Variants in ADGB observed in about 807,000 individuals in gnomAD.
ADGB encodes the protein calpain-7-like protein.
Under a neutral mutation model 210.5 loss-of-function variants are expected in ADGB, and 172 were observed. That is an observed-to-expected ratio of 0.82 (90% CI 0.72 to 0.93). The LOEUF (loss-of-function observed/expected upper bound fraction) is 0.93. ADGB is among the 40% of genes least tolerant of loss of function. ADGB has a pLI of 0.00. For synonymous variants in ADGB, 658 were observed against 662.7 expected, an observed-to-expected ratio of 0.99 and a Z score of 0.11; for missense variants, 2,025 against 1,964.8, an observed-to-expected ratio of 1.03 and a Z score of -0.58.
chr6:146,799,998 T>TG (rs1404731718), intron 33 of ADGB, among the ~76,000 whole-genome samples: 1 of 152,046 alleles, frequency 6.6e-6, no homozygotes, highest in Non-Finnish European at 1.5e-5. Context: ...TTTGTAGAGA[T>TG]GGGGTTTCAC....
chr6:146,708,433 T>C (rs1253811500), intron 13 of ADGB, among the ~76,000 whole-genome samples: 4 of 152,128 alleles, frequency 2.6e-5, no homozygotes, highest in Non-Finnish European at 4.4e-5. Flanking sequence ...CAGCTTTTTT[T>C]GTTTGGGAAA....
chr6:146,713,461 G>A (rs1776687956), intron 13 of ADGB, among the ~76,000 whole-genome samples: 1 of 152,146 alleles, frequency 6.6e-6, no homozygotes, highest in South Asian at 2.1e-4. Flanking sequence ...GTGTCTCATT[G>A]TAATTTTGGT....
intron 1 of ADGB, 31 bp from the exon 2 acceptor site, chr6:146,635,344 C>A: frequency 7.2e-7 from 1 of 1,385,120 alleles, no homozygotes; most frequent in Non-Finnish European, 9.4e-7. Context: ...TTTAATTAAA[C>A]CTAACCCACC....
intron 33 of ADGB, among the ~76,000 whole-genome samples, chr6:146,792,170 G>A (rs1019299669): frequency 1.3e-5 from 2 of 151,938 alleles, no homozygotes; most frequent in Non-Finnish European, 2.9e-5. Flanking sequence ...TGCCTCCCTC[G>A]TTATTTTTGG....
At chr6:146,731,795 C>G (rs73575929) in intron 20 of ADGB, among the ~76,000 whole-genome samples, 9,893 of 151,890 alleles carry the variant, frequency 0.065, 1,056 homozygotes, top group African/African-American at 0.22. Context: ...TACCATATTC[C>G]CTGGTGGAAT....
intron 3 of ADGB, among the ~76,000 whole-genome samples, chr6:146,650,003 T>A (rs1185347473): frequency 1.3e-5 from 2 of 152,118 alleles, no homozygotes; most frequent in Non-Finnish European, 2.9e-5. Context: ...AAAGATCCAA[T>A]AGTTTTTATC....
chr6:146,682,877 T>TC (rs987900066), intron 9 of ADGB, among the ~76,000 whole-genome samples: 1 of 151,978 alleles, frequency 6.6e-6, no homozygotes, highest in Non-Finnish European at 1.5e-5. Flanking sequence ...ACCTTCTCTC[T>TC]TTTTTTTCCA....
At chr6:146,756,069 T>G (rs1189229239) in intron 27 of ADGB, among the ~76,000 whole-genome samples, 3 of 151,970 alleles carry the variant, frequency 2.0e-5, no homozygotes, top group Non-Finnish European at 2.9e-5. Flanking sequence ...ACAGGCAAAT[T>G]AGGGAGTATA....
intron 11 of ADGB, 128 bp from the exon 12 acceptor site, chr6:146,692,697 T>G (rs1203019532): frequency 1.0e-5 from 5 of 481,330 alleles, no homozygotes; most frequent in Admixed American, 3.8e-5. Context: ...ACATTCCTAT[T>G]TCACACTATT....
chr6:146,787,100 A>G (rs999127593), intron 32 of ADGB, among the ~76,000 whole-genome samples: 1 of 152,142 alleles, frequency 6.6e-6, no homozygotes, highest in Non-Finnish European at 1.5e-5. Context: ...ACTTAGCAGG[A>G]TTTTTTGCTA....
At chr6:146,758,334 G>C (rs1777439439) in intron 27 of ADGB, among the ~76,000 whole-genome samples, 1 of 151,896 alleles carries the variant, frequency 6.6e-6, no homozygotes, top group Non-Finnish European at 1.5e-5. Flanking sequence ...AAATCTTAGT[G>C]GGCACTTTTG....
chr6:146,648,011 C>T (rs150793592), intron 3 of ADGB, among the ~76,000 whole-genome samples: 1 of 151,962 alleles, frequency 6.6e-6, no homozygotes, highest in East Asian at 1.9e-4. Context: ...CCTTTATGAA[C>T]ATTGTCACAA....
chr6:146,699,711 G>A (rs572754178), intron 12 of ADGB, among the ~76,000 whole-genome samples: 1 of 151,042 alleles, frequency 6.6e-6, no homozygotes, highest in South Asian at 2.1e-4. Context: ...AATAATTTTT[G>A]TTTATCTCTC....
chr6:146,666,876 A>G lies in ADGB; in HGVS notation c.813A>G (p.Gly271=). 1 of 1,546,440 alleles carries G rather than the reference A, an allele frequency of 6.5e-7. No individual in the cohort carries two copies. The highest frequency in any genetic ancestry group is 8.7e-7 in the Non-Finnish European group (1 of 1,142,960). ...TCACGGTTATTCATGCGCTCACAGG[A>G]TGGTTACCAGAAGTCATTTCTCTTC... ...GEFTVIHALT[G]WLPEVISLHP... Residue 271 remains glycine, a synonymous_variant, in exon 7 of 36, where the codon GGA becomes GGG. Transcript: ENST00000397944.
intron 1 of ADGB, among the ~76,000 whole-genome samples, chr6:146,632,146 CA>C (rs1781075428): frequency 6.6e-6 from 1 of 152,060 alleles, no homozygotes; most frequent in South Asian, 2.1e-4. Context: ...GTCACAAGTC[CA>C]AAATGGGTCT....
rs1056402694 is a variant in ADGB at position 146,726,008 on chromosome 6, T to G, written c.2238-75T>G. The G allele has an allele frequency of 4.7e-6, 4 of 855,726 alleles. No individual in the cohort carries two copies. The African/African-American group carries it at 6.7e-5, about 14-fold the overall frequency. The allele number at this position is 855,726 out of a possible 1,614,324, so 53.0% of individuals were successfully genotyped here. ...TTTACTTCATTTGAGTTCCAAAGTGTGAATAAGCAACTCACAGGTCAAATG... is the reference window on the plus strand; with the variant it reads ...TTTACTTCATTTGAGTTCCAAAGTGGGAATAAGCAACTCACAGGTCAAATG... On this transcript the variant is annotated intron_variant, in intron 18 of 35. Coordinates refer to ENST00000397944, the MANE Select transcript of ADGB (RefSeq NM_024694.4).
chr6:146,759,468 T>A (rs1270408518), intron 27 of ADGB, among the ~76,000 whole-genome samples: 1 of 151,710 alleles, frequency 6.6e-6, no homozygotes, highest in Admixed American at 6.6e-5. Context: ...TCCATAAAAT[T>A]TACATTCTAG....
At chr6:146,735,655 A>C (rs977847297) in intron 22 of ADGB, among the ~76,000 whole-genome samples, 2 of 152,228 alleles carry the variant, frequency 1.3e-5, no homozygotes, top group African/African-American at 4.8e-5. Context: ...TTGTCCATAT[A>C]TGTTGTAAAA....
intron 35 of ADGB, among the ~76,000 whole-genome samples, chr6:146,808,003 T>G (rs1316662583): frequency 5.5e-5 from 8 of 146,728 alleles, no homozygotes; most frequent in African/African-American, 5.1e-5. Flanking sequence ...TTTTTTTTTT[T>G]TTTTTTTTTT....
Sources: allele counts gnomAD v4.1 joint callset (sites outside exome capture counted in the v4.1 genomes callset), GRCh38; gene constraint gnomAD v4.1.1; transcripts MANE v1.5; gene names NCBI Gene and HGNC (gene_info 2026-07-23, HGNC 2026-07-21).